The following BABAM2 variants were observed in gnomAD, a reference collection of about 807,000 sequenced individuals.
BABAM2 encodes BRISC and BRCA1-A complex member 2.
In BABAM2, 31 loss-of-function variants were observed where a neutral mutation model predicts 54.7. The observed-to-expected ratio is 0.57, with a 90% confidence interval of 0.43 to 0.77. BABAM2 has a LOEUF of 0.77. BABAM2 is among the 30% of genes least tolerant of loss of function. The pLI is 0.00. For missense variants in BABAM2, 364 were observed against 455.8 expected (o/e 0.80, Z 1.83); for synonymous variants, 167 against 162.9 (o/e 1.03, Z -0.19).
chr2:28,041,184 T>A (rs543756388), intron 5 of BABAM2, among the ~76,000 whole-genome samples: 1 of 152,364 alleles, frequency 6.6e-6, no homozygotes, highest in African/African-American at 2.4e-5. Flanking sequence ...TGTTTATTTA[T>A]GTATGTATAT....
At chr2:27,932,719 C>A (rs1476708510) in intron 3 of BABAM2, among the ~76,000 whole-genome samples, 1 of 152,154 alleles carries the variant, frequency 6.6e-6, no homozygotes, top group Admixed American at 6.5e-5. Flanking sequence ...CTGTTCTTAG[C>A]CCTGTGTCTC....
intron 2 of BABAM2, among the ~76,000 whole-genome samples, chr2:27,907,495 G>T (rs1212218272): frequency 1.3e-5 from 2 of 151,780 alleles, no homozygotes; most frequent in Non-Finnish European, 1.5e-5. Context: ...TCAATTTTGG[G>T]CTTGGCACAT....
intron 2 of BABAM2, among the ~76,000 whole-genome samples, chr2:27,909,855 T>C (rs983174246): frequency 6.6e-6 from 1 of 152,200 alleles, no homozygotes; most frequent in Admixed American, 6.5e-5. Context: ...TGCTATGACA[T>C]TGGTTAACAT....
intron 10 of BABAM2, among the ~76,000 whole-genome samples, chr2:28,252,067 T>G (rs1683539626): frequency 6.6e-6 from 1 of 151,884 alleles, no homozygotes; most frequent in African/African-American, 2.4e-5. Context: ...ACCTGTAATC[T>G]CAGCTTCTTG....
intron 4 of BABAM2, among the ~76,000 whole-genome samples, chr2:28,005,294 A>G (rs757273919): frequency 5.3e-5 from 8 of 152,276 alleles, no homozygotes; most frequent in South Asian, 2.1e-4. Flanking sequence ...GTGATTGTCA[A>G]CCTTTTAATA....
At chr2:27,913,636 A>G (rs1573151508) in intron 2 of BABAM2, among the ~76,000 whole-genome samples, 1 of 152,142 alleles carries the variant, frequency 6.6e-6, no homozygotes, top group Non-Finnish European at 1.5e-5. Context: ...GTAAGGAGAG[A>G]ATTTACACGT....
chr2:28,009,189 A>G (rs1674206594), intron 4 of BABAM2, among the ~76,000 whole-genome samples: 1 of 152,116 alleles, frequency 6.6e-6, no homozygotes, highest in Non-Finnish European at 1.5e-5. Flanking sequence ...AATAGATTGT[A>G]TAGGGCCAAG....
rs547684022 is a variant in BABAM2, at chr2:28,151,532, G to A, written c.680+22152G>A. ...AGAAGTTGCAGTGAGCCGAGATCGCGCCATTGCACTCCAGCCTTGGCGACA... is the reference window on the plus strand; with the variant it reads ...AGAAGTTGCAGTGAGCCGAGATCGCACCATTGCACTCCAGCCTTGGCGACA... On this transcript the variant is annotated intron_variant, in intron 7 of 11. Transcript: ENST00000379624. 7.0e-4 allele frequency among the ~76,000 whole-genome samples: 106 copies of A among 152,126 alleles called. 1 individual carries two copies. The highest frequency in any genetic ancestry group is 2.4e-3 in the African/African-American group (99 of 41,486).
intron 5 of BABAM2, among the ~76,000 whole-genome samples, chr2:28,040,291 A>ATTTTTTTTTTTTTTTTTTTTTT (rs1204898070): frequency 1.0e-5 from 1 of 97,238 alleles, no homozygotes. Context: ...GAAAAACTGA[A>ATTTTTTTTTTTTTTTTTTTTTT]TTCTTTTTTT....
At chr2:27,917,482 G>A (rs2337372) in intron 2 of BABAM2, among the ~76,000 whole-genome samples, 32,983 of 152,030 alleles carry the variant, frequency 0.22, 4,442 homozygotes, top group East Asian at 0.62. Flanking sequence ...GTGAGGGCCC[G>A]TTCCTCATAG....
At chr2:28,208,979 C>T (rs570128013) in intron 7 of BABAM2, among the ~76,000 whole-genome samples, 12 of 152,174 alleles carry the variant, frequency 7.9e-5, no homozygotes, top group African/African-American at 2.4e-4. Context: ...ACTCTGCCTT[C>T]AGGCTTGGTG....
intron 6 of BABAM2, among the ~76,000 whole-genome samples, chr2:28,071,877 A>C (rs1408056959): frequency 6.6e-6 from 1 of 152,180 alleles, no homozygotes; most frequent in East Asian, 1.9e-4. Flanking sequence ...ATCTTTGGCC[A>C]GCTGTAGCCT....
intron 10 of BABAM2, among the ~76,000 whole-genome samples, chr2:28,254,728 ATTTTTTT>A (rs759661036): frequency 1.1e-4 from 14 of 122,390 alleles, no homozygotes; most frequent in East Asian, 4.3e-4. Context: ...TTTTTTTTCA[ATTTTTTT>A]TTTTTTTTTT....
chr2:28,025,528 A>G, intron 5 of BABAM2, 108 bp downstream of exon 5: 1 of 1,092,148 alleles, frequency 9.2e-7, no homozygotes, highest in African/African-American at 1.6e-5. Flanking sequence ...AACATGGTCC[A>G]GGTAGCCTAT....
intron 2 of BABAM2, among the ~76,000 whole-genome samples, chr2:27,905,835 G>A (rs1666150809): frequency 6.6e-6 from 1 of 152,118 alleles, no homozygotes. Flanking sequence ...ATTGCTTTTT[G>A]CAAATCTACG....
chr2:27,935,697 G>A (rs886420575), intron 3 of BABAM2, among the ~76,000 whole-genome samples: 10 of 152,148 alleles, frequency 6.6e-5, no homozygotes, highest in Admixed American at 2.6e-4. Flanking sequence ...AATTTTTCCT[G>A]AAGGGAAAAG....
Position 28,029,069 on chromosome 2 carries a change from T to G in BABAM2, c.495+3649T>G, listed in dbSNP as rs528784032. Among the ~76,000 whole-genome samples the G allele has an allele frequency of 2.0e-5, 3 of 152,302 alleles. No homozygotes were observed. In the South Asian group the frequency reaches 6.2e-4, roughly 32 times the overall value. On this transcript the variant is annotated intron_variant, in intron 5 of 11. Coordinates refer to ENST00000379624, the MANE Select transcript of BABAM2 (RefSeq NM_199191.3). Reference sequence around the variant, plus strand: ...GATGTGAGCCACCATGCCTGGCCTCTTCGGCTTTTTCTTAAAGGTTATGAT... The same window carrying G: ...GATGTGAGCCACCATGCCTGGCCTCGTCGGCTTTTTCTTAAAGGTTATGAT...
chr2:28,176,411 A>C (rs1674947377), intron 7 of BABAM2, among the ~76,000 whole-genome samples: 1 of 151,592 alleles, frequency 6.6e-6, no homozygotes, highest in African/African-American at 2.4e-5. Context: ...CTCTACTAAA[A>C]ATACAAAAAT....
At chr2:28,178,725 A>G (rs1417338426) in intron 7 of BABAM2, among the ~76,000 whole-genome samples, 3 of 151,652 alleles carry the variant, frequency 2.0e-5, no homozygotes, top group African/African-American at 7.3e-5. Flanking sequence ...GATGAACAGC[A>G]GCAAAAAAAC....
Sources: gnomAD v4.1 joint callset for allele counts (sites outside exome capture counted in the v4.1 genomes callset) on GRCh38, gnomAD v4.1.1 for gene constraint, MANE v1.5 for transcripts, NCBI Gene and HGNC (gene_info 2026-07-23, HGNC 2026-07-21) for gene names.